POLQ: variants seen among roughly 807,000 people sequenced by gnomAD.
The protein encoded by POLQ is epididymis secretory sperm binding protein.
In POLQ, 233 loss-of-function variants were observed where a neutral mutation model predicts 259.2. The observed-to-expected ratio is 0.90, with a 90% CI of 0.81 to 1.00. The LOEUF is 1.00. POLQ is among the 50% of genes least tolerant of loss of function. The pLI, the probability that POLQ is intolerant of heterozygous loss-of-function variation, is 0.00. For missense variants in POLQ, 2,871 were observed against 3,051.6 expected (o/e 0.94, Z 1.39); for synonymous variants, 1,025 against 1,048.8 (o/e 0.98, Z 0.44).
Position 121,498,620 on chromosome 3 carries a change from G to A in POLQ, c.2010C>T (p.Phe670=). Residue 670 remains phenylalanine (F), a synonymous_variant, in exon 13 of 30, where the codon TTC becomes TTT. Transcript: ENST00000264233. ...AAGTTGGCAACTTCTCCCATAAACA[G>A]AAAAATCGATACCAATCAATAGTAG... ...DWTTIDWYRF[F]CLWEKLPTSM... The A allele has an allele frequency of 6.2e-7, 1 of 1,613,784 alleles. No homozygotes were observed. Among genetic ancestry groups the A allele is most frequent in the South Asian group, 1.1e-5 (1 of 91,060 alleles).
At chr3:121,480,519 C>T (rs1253124598) in intron 19 of POLQ, among the ~76,000 whole-genome samples, 1 of 151,718 alleles carries the variant, frequency 6.6e-6, no homozygotes, top group South Asian at 2.1e-4. Flanking sequence ...TGGGGTCTCA[C>T]TATGTGGTCC....
rs758435975 is a variant in POLQ, at chr3:121,472,114, T to C, written c.6594A>G (p.Leu2198=). The change falls in exon 22 of 30, where the codon TTA becomes TTG. Residue 2198 remains leucine (L), a synonymous_variant. Coordinates refer to ENST00000264233, the MANE Select transcript of POLQ (RefSeq NM_199420.4). The stretch of plus-strand genomic sequence containing the variant: ...TAGCATTAGTGATTCTTCTCCATTC[T>C]AATATCAAGCCTGGTAAAGGATGTA... The part of the protein sequence containing the change: ...KALHPLPGLI[L]EWRRITNAIT... 2 of 1,571,644 alleles carry C rather than the reference T, an allele frequency of 1.3e-6. No homozygotes were observed. The highest frequency in any genetic ancestry group is 1.7e-5 in the Admixed American group (1 of 59,284).
At chr3:121,456,939 A>C (rs1087309) in intron 25 of POLQ, among the ~76,000 whole-genome samples, 119,807 of 151,724 alleles carry the variant, frequency 0.79, 47,445 homozygotes, top group East Asian at 0.89. Context: ...AATCCTAAGC[A>C]AAAAGAACAA....
Position 121,432,232 on chromosome 3 carries a change from G to A in POLQ, c.*72C>T. On this transcript the variant is annotated 3_prime_UTR_variant, in exon 30 of 30. Transcript: ENST00000264233. ...GTTTGTTTTGCTGAGGTAGGTGAAAGGGTAATCTCTGTTCTTTCCAGGTGA... is the reference window on the plus strand; with the variant it reads ...GTTTGTTTTGCTGAGGTAGGTGAAAAGGTAATCTCTGTTCTTTCCAGGTGA... The A allele has an allele frequency of 1.4e-6, 2 of 1,388,696 alleles. No homozygotes were observed. The highest frequency in any genetic ancestry group is 1.9e-6 in the Non-Finnish European group (2 of 1,033,838). The allele number at this position is 1,388,696 out of a possible 1,614,324, so 86.0% of individuals were successfully genotyped here. A position where few individuals can be genotyped will look rare whatever the true frequency, so the allele number is the denominator to read the frequency against.
Position 121,436,213 on chromosome 3 carries a change from G to A in POLQ, c.7452C>T (p.Ala2484=), listed in dbSNP as rs1305979153. ...QGSAADIVKI[A]TVNIQKQLET... The stretch of plus-strand genomic sequence containing the variant: ...CTAATTGCTTCTGAATGTTAACTGT[G>A]GCTATTTTGACAATATCAGCTGCTG... Residue 2484 remains alanine, a synonymous_variant, in exon 28 of 30, where the codon GCC becomes GCT. Coordinates refer to ENST00000264233, the MANE Select transcript of POLQ (RefSeq NM_199420.4). The A allele has an allele frequency of 2.5e-6, 4 of 1,613,404 alleles. No homozygotes were observed.
chr3:121,525,967 C>T (rs1329803068), intron 7 of POLQ, among the ~76,000 whole-genome samples: 1 of 151,976 alleles, frequency 6.6e-6, no homozygotes, highest in Admixed American at 6.6e-5. Context: ...TTTTCACAAT[C>T]TTTTTCATGA....
At chr3:121,544,700 G>T (rs747529063) in intron 2 of POLQ, 27 bp downstream of exon 2, 19 of 1,439,968 alleles carry the variant, frequency 1.3e-5, no homozygotes, top group Non-Finnish European at 6.8e-6. Flanking sequence ...CTTAAAAATA[G>T]TAATTAGTTT....
chr3:121,480,976 G>A (rs750143299), intron 19 of POLQ, among the ~76,000 whole-genome samples: 15 of 152,072 alleles, frequency 9.9e-5, no homozygotes, highest in African/African-American at 2.2e-4. Context: ...ATAAGCATCC[G>A]TTAAGCTCTC....
rs2048490558 is a variant in POLQ at position 121,541,592 on chromosome 3, C to T, written c.344-113G>A. 6 of 877,544 alleles carry T rather than the reference C, an allele frequency of 6.8e-6. No individual in the cohort carries two copies. The South Asian group carries it at 1.1e-4, about 17-fold the overall frequency. The allele number at this position is 877,544 out of a possible 1,614,324, so 54.4% of individuals were successfully genotyped here. A position where few individuals can be genotyped will look rare whatever the true frequency, so the allele number is the denominator to read the frequency against. Reference sequence around the variant, plus strand: ...TACAGAGCCTAAGGCTAACCAATCACTAAGGGCCCAATAGCACTTAAAATC... The same window carrying T: ...TACAGAGCCTAAGGCTAACCAATCATTAAGGGCCCAATAGCACTTAAAATC... On this transcript the variant is annotated intron_variant, in intron 2 of 29. Coordinates refer to ENST00000264233, the MANE Select transcript of POLQ (RefSeq NM_199420.4).
intron 25 of POLQ, among the ~76,000 whole-genome samples, chr3:121,459,467 C>T (rs1460095476): frequency 2.7e-5 from 4 of 149,642 alleles, no homozygotes; most frequent in East Asian, 4.0e-4. Context: ...CTGCAAGCTC[C>T]GCCTCCTGGG....
intron 26 of POLQ, among the ~76,000 whole-genome samples, chr3:121,442,616 C>T (rs1312543852): frequency 1.3e-5 from 2 of 152,146 alleles, no homozygotes; most frequent in Non-Finnish European, 2.9e-5. Flanking sequence ...TTGCAAATGA[C>T]AAGATCTCAT....
intron 2 of POLQ, 125 bp from the exon 3 acceptor site, chr3:121,541,604 T>C (rs903725817): frequency 4.4e-6 from 3 of 687,614 alleles, no homozygotes; most frequent in Admixed American, 2.8e-5. Flanking sequence ...AAGGGCCCAA[T>C]AGCACTTAAA....
At chr3:121,528,375 C>T (rs2048387461) in intron 7 of POLQ, among the ~76,000 whole-genome samples, 1 of 149,664 alleles carries the variant, frequency 6.7e-6, no homozygotes, top group Admixed American at 6.7e-5. Context: ...TGGAGTTTCG[C>T]TCTTGTTGCC....
rs755787569 is a variant in POLQ at position 121,498,475 on chromosome 3, A to C, written c.2153+2T>G. 3 of 1,611,600 alleles carry C rather than the reference A, an allele frequency of 1.9e-6. No individual in the cohort carries two copies. The highest frequency in any genetic ancestry group is 2.5e-6 in the Non-Finnish European group (3 of 1,178,150). On this transcript the variant is annotated splice_donor_variant, in intron 13 of 29. Coordinates refer to ENST00000264233, the MANE Select transcript of POLQ (RefSeq NM_199420.4). LOFTEE classifies it high-confidence loss of function. ...GGAGAGCCCAGAGACCTTGACGTTTACCTTTTATGGATGGCCATTTGTCGA... is the reference window on the plus strand; with the variant it reads ...GGAGAGCCCAGAGACCTTGACGTTTCCCTTTTATGGATGGCCATTTGTCGA...
At chr3:121,500,190 G>A (rs953084115) in intron 12 of POLQ, among the ~76,000 whole-genome samples, 2 of 150,688 alleles carry the variant, frequency 1.3e-5, no homozygotes, top group Non-Finnish European at 2.9e-5. Flanking sequence ...GCTGAAGTGG[G>A]AAGACTGCTT....
rs907503725 is a variant in POLQ, at chr3:121,545,973, G to A, written c.-96C>T. 33 of 1,454,834 alleles carry A rather than the reference G, an allele frequency of 2.3e-5. No homozygotes were observed. Among genetic ancestry groups the A allele is most frequent in the African/African-American group, 1.4e-4 (10 of 71,626 alleles). The allele number at this position is 1,454,834 out of a possible 1,614,324, so 90.1% of individuals were successfully genotyped here. ...TGGCAACAGCTGCGGACATCTTCCCGCCAGTCTTCAAACTCAAACCTCCCG... is the reference window on the plus strand; with the variant it reads ...TGGCAACAGCTGCGGACATCTTCCCACCAGTCTTCAAACTCAAACCTCCCG... On this transcript the variant is annotated 5_prime_UTR_variant, in exon 1 of 30. Transcript: ENST00000264233.
chr3:121,497,497 C>T (rs774752116), intron 13 of POLQ, among the ~76,000 whole-genome samples: 12 of 151,934 alleles, frequency 7.9e-5, no homozygotes, highest in Non-Finnish European at 1.5e-4. Flanking sequence ...AGTGCAGTGG[C>T]GCAATCTTGG....
intron 15 of POLQ, among the ~76,000 whole-genome samples, chr3:121,491,301 C>T (rs1461592614): frequency 6.8e-5 from 9 of 132,270 alleles, no homozygotes; most frequent in African/African-American, 2.0e-4. Flanking sequence ...TGCAGTGAGC[C>T]GAGATTACGC....
intron 25 of POLQ, among the ~76,000 whole-genome samples, chr3:121,451,985 G>A (rs890730939): frequency 1.3e-5 from 2 of 152,220 alleles, no homozygotes; most frequent in African/African-American, 4.8e-5. Flanking sequence ...CCTCAGCACT[G>A]GCGGGCGCCC....
Sources: gnomAD v4.1 joint callset for allele counts (sites outside exome capture counted in the v4.1 genomes callset) on GRCh38, gnomAD v4.1.1 for gene constraint, MANE v1.5 for transcripts, NCBI Gene and HGNC (gene_info 2026-07-23, HGNC 2026-07-21) for gene names.